MTMR1: variants seen among roughly 807,000 people sequenced by gnomAD.
MTMR1 encodes the protein phosphatidylinositol-3-phosphate phosphatase MTMR1.
MTMR1 carries 17 observed loss-of-function variants against 51.6 expected under a neutral mutation model. The ratio of observed to expected loss-of-function variants is 0.33; its 90% CI spans 0.23 to 0.49. The LOEUF is 0.49. Among genes scored for constraint, MTMR1 ranks in the 20% least tolerant of loss-of-function variants. MTMR1 has a pLI of 0.99. For missense variants in MTMR1, 386 were observed against 526.9 expected (o/e 0.73, Z 2.62); for synonymous variants, 201 against 205.6 (o/e 0.98, Z 0.19).
At chrX:150,719,982 C>T (rs183382258) in intron 4 of MTMR1, among the ~76,000 whole-genome samples, 4 of 111,652 alleles carry the variant, frequency 3.6e-5, no homozygotes, top group African/African-American at 1.3e-4. Flanking sequence ...CACTCCAATA[C>T]GAATTATTGG....
chrX:150,760,197 G>C (rs781811916), intron 15 of MTMR1, among the ~76,000 whole-genome samples: 1 of 108,501 alleles, frequency 9.2e-6, no homozygotes, highest in African/African-American at 3.3e-5. Context: ...CACCTCCTAG[G>C]TGTGGGAATG....
intron 15 of MTMR1, among the ~76,000 whole-genome samples, chrX:150,756,814 C>G (rs1022190485): frequency 9.0e-6 from 1 of 111,186 alleles, no homozygotes; most frequent in African/African-American, 3.3e-5. Flanking sequence ...CCATGCCTGG[C>G]TAATTTTTGT....
chrX:150,700,668 C>T (rs1190906078), intron 2 of MTMR1, among the ~76,000 whole-genome samples: 4 of 112,607 alleles, frequency 3.6e-5, no homozygotes, highest in African/African-American at 1.3e-4. Flanking sequence ...GTTCCAGTTG[C>T]CCTATTGCCT....
chrX:150,743,546 G>T (rs1448613529), intron 12 of MTMR1, among the ~76,000 whole-genome samples: 2 of 112,260 alleles, frequency 1.8e-5, no homozygotes, highest in African/African-American at 3.2e-5. Context: ...TTGTTTTCAT[G>T]TCTTTCCAGG....
intron 3 of MTMR1, among the ~76,000 whole-genome samples, chrX:150,715,767 A>G (rs2148587926): frequency 8.9e-6 from 1 of 112,953 alleles, no homozygotes; most frequent in African/African-American, 3.2e-5. Context: ...TCTTTGTTTT[A>G]TTCCAGTAGT....
chrX:150,707,443 C>G (rs893876996), intron 2 of MTMR1, among the ~76,000 whole-genome samples: 13 of 112,302 alleles, frequency 1.2e-4, no homozygotes, highest in Admixed American at 9.4e-5. Context: ...GGCATCTCAA[C>G]AAAGAAGATA....
At chrX:150,727,430 G>A (rs2041976055) in intron 5 of MTMR1, 121 bp downstream of exon 5, 1 of 573,213 alleles carries the variant, frequency 1.7e-6, no homozygotes, top group Admixed American at 3.7e-5. Flanking sequence ...TGGATTTTGA[G>A]ATGCACACAT....
In MTMR1 at chrX:150,698,676, G is replaced by GCACACA. The variant is rs1170788477; in HGVS notation, c.147-518_147-517insACACAC. On this transcript the variant is annotated intron_variant, in intron 1 of 15. Transcript: ENST00000445323. ...ACATGGCAAAACCCTGTCTACACGC[G>GCACACA]CGCGCACACACACACACACACACAC... Among the ~76,000 whole-genome samples the GCACACA allele has an allele frequency of 9.0e-3, 475 of 53,029 alleles. 9 individuals are homozygous for GCACACA. The highest frequency in any genetic ancestry group is 0.032 in the African/African-American group (423 of 13,073). The allele number at this position is 53,029 out of a possible 115,157, so 46.0% of individuals were successfully genotyped here.
intron 10 of MTMR1, 77 bp from the exon 11 acceptor site, chrX:150,736,518 G>C (rs1478235659): frequency 1.0e-6 from 1 of 971,586 alleles, no homozygotes; most frequent in Non-Finnish European, 1.4e-6. Context: ...TTCTTTAGTG[G>C]TCTGTATCTC....
At chrX:150,755,584 C>T (rs1266605437) in intron 14 of MTMR1, 105 bp from the exon 15 acceptor site, 7 of 606,146 alleles carry the variant, frequency 1.2e-5, no homozygotes, top group Non-Finnish European at 1.4e-5. Flanking sequence ...ATGAATTTTT[C>T]AGCGTTTGAA....
chrX:150,698,678 G>GCA (rs1444236629), intron 1 of MTMR1, among the ~76,000 whole-genome samples: 895 of 70,737 alleles, frequency 0.013, 9 homozygotes, highest in African/African-American at 0.015. Flanking sequence ...CTACACGCGC[G>GCA]CGCACACACA....
chrX:150,716,204 A>G lies in MTMR1; in HGVS notation c.277-2421A>G, dbSNP rs2041506928. Among the ~76,000 whole-genome samples, 3 of 112,950 alleles carry G rather than the reference A, an allele frequency of 2.7e-5. No individual in the cohort carries two copies. The South Asian group carries it at 1.1e-3, about 41-fold the overall frequency. Reference sequence around the variant, plus strand: ...TACATGATAATATTTAGCCATTAAAATAGGCTTTAACAACGTAACATTTGA... The same window carrying G: ...TACATGATAATATTTAGCCATTAAAGTAGGCTTTAACAACGTAACATTTGA... On this transcript the variant is annotated intron_variant, in intron 3 of 15. Transcript: ENST00000445323.
intron 4 of MTMR1, among the ~76,000 whole-genome samples, chrX:150,722,974 G>A (rs1232591454): frequency 9.3e-6 from 1 of 107,939 alleles, no homozygotes; most frequent in Non-Finnish European, 1.9e-5. Flanking sequence ...TTAGCATTAG[G>A]TATATCTCCT....
At chrX:150,750,342 T>C (rs1193144831) in intron 13 of MTMR1, among the ~76,000 whole-genome samples, 1 of 112,078 alleles carries the variant, frequency 8.9e-6, no homozygotes, top group Non-Finnish European at 1.9e-5. Flanking sequence ...GCTCCCCTCA[T>C]TTGTTTCCCT....
chrX:150,730,143 A>C lies in MTMR1; in HGVS notation c.590A>C (p.Glu197Ala). 8.3e-7 allele frequency: 1 copy of C among 1,205,420 alleles called. No individual in the cohort carries two copies. The highest frequency in any genetic ancestry group is 1.1e-6 in the Non-Finnish European group (1 of 892,991). Residue 197 changes from glutamate to alanine, a missense_variant, in exon 7 of 16, where the codon GAA becomes GCA. By Grantham distance (107) the Glu-to-Ala change is moderately radical. Transcript: ENST00000445323. Reference protein sequence around the residue: ...MRNLRLAYKQEEQSKLGIFEN... With the variant: ...MRNLRLAYKQAEQSKLGIFEN... ...AACTTGCGGCTTGCTTATAAACAGG[A>C]AGAACAGAGTAAACTAGGGATATTT...
intron 2 of MTMR1, 60 bp downstream of exon 2, chrX:150,699,360 AG>A: frequency 1.2e-6 from 1 of 849,088 alleles, no homozygotes; most frequent in Non-Finnish European, 1.7e-6. Flanking sequence ...GAAGCTTTGC[AG>A]TTTTAATTCA....
intron 6 of MTMR1, among the ~76,000 whole-genome samples, chrX:150,728,429 AGTTTGTT>A (rs1431301875): frequency 8.9e-6 from 1 of 111,931 alleles, no homozygotes; most frequent in Non-Finnish European, 1.9e-5. Context: ...ACATTTCCCC[AGTTTGTT>A]GTTTTAAGAC....
chrX:150,717,520 G>A (rs781995542), intron 3 of MTMR1, among the ~76,000 whole-genome samples: 1 of 110,610 alleles, frequency 9.0e-6, no homozygotes, highest in South Asian at 3.8e-4. Context: ...TGGAATTGCT[G>A]GGGGTTCTGA....
At position 150,727,713 on chromosome X, in the gene MTMR1, T is replaced by C; in HGVS notation, c.477T>C (p.Leu159=). ...RDPHFILDVP[L]GVISRVEKIG... ...CGCATTTTATCCTTGATGTTCCCCTTGGAGTGATCAGCAGAGTGGAGAAGA... is the reference window on the plus strand; with the variant it reads ...CGCATTTTATCCTTGATGTTCCCCTCGGAGTGATCAGCAGAGTGGAGAAGA... Residue 159 remains leucine (L), a synonymous_variant, in exon 6 of 16, where the codon CTT becomes CTC. Coordinates refer to ENST00000445323, the MANE Select transcript of MTMR1 (RefSeq NM_001306144.3). 1.7e-6 allele frequency: 2 copies of C among 1,211,277 alleles called. No homozygotes were observed. Among genetic ancestry groups the C allele is most frequent in the Non-Finnish European group, 2.2e-6 (2 of 894,990 alleles).
Sources: allele counts gnomAD v4.1 joint callset (sites outside exome capture counted in the v4.1 genomes callset), GRCh38; gene constraint gnomAD v4.1.1; transcripts MANE v1.5; gene names NCBI Gene and HGNC (gene_info 2026-07-23, HGNC 2026-07-21).